Variants in EML2 observed in about 807,000 individuals in gnomAD.
EML2 encodes echinoderm microtubule-associated protein-like 2.
Under a neutral mutation model 84.7 loss-of-function variants are expected in EML2, and 59 were observed. That is an observed-to-expected ratio of 0.70 (90% CI 0.56 to 0.86). EML2 has a LOEUF of 0.86. EML2 is among the 40% of genes least tolerant of loss of function. The pLI, the probability that EML2 is intolerant of heterozygous loss-of-function variation, is 0.00. For missense variants in EML2, 818 were observed against 855.6 expected (o/e 0.96, Z 0.55); for synonymous variants, 352 against 348.9 (o/e 1.01, Z -0.10).
intron 9 of EML2, among the ~76,000 whole-genome samples, chr19:45,623,749 CT>C (rs1320789009): frequency 1.3e-5 from 2 of 152,054 alleles, no homozygotes; most frequent in Non-Finnish European, 2.9e-5. Context: ...TGGGGTTTTG[CT>C]ATGTTGGCCA....
chr19:45,638,370 C>T, intron 3 of EML2, 135 bp downstream of exon 3: 11 of 1,261,776 alleles, frequency 8.7e-6, no homozygotes, highest in Non-Finnish European at 1.2e-5. Context: ...TGTGTGTTGC[C>T]CAGGCAGGTC....
upstream of EML2, among the ~76,000 whole-genome samples, chr19:45,644,345 G>A (rs1356336596): frequency 1.3e-5 from 2 of 152,062 alleles, no homozygotes; most frequent in Non-Finnish European, 2.9e-5. Context: ...TACTCAACAG[G>A]AATGGCCACC....
intron 16 of EML2, 104 bp from the exon 17 acceptor site, chr19:45,614,804 A>G: frequency 2.1e-6 from 2 of 938,300 alleles, no homozygotes; most frequent in Non-Finnish European, 3.4e-6. Flanking sequence ...AGAGGAGGCT[A>G]AGGTCCCAGG....
chr19:45,639,044 G>T (rs772486382), intron 1 of EML2, 171 bp from the exon 2 acceptor site: 2 of 866,834 alleles, frequency 2.3e-6, no homozygotes, highest in South Asian at 1.3e-5. Flanking sequence ...GGTTGATCTT[G>T]CAGAGCCTAA....
Position 45,634,333 on chromosome 19 carries a change from A to C in EML2, c.318T>G (p.Asp106Glu), listed in dbSNP as rs1469883022. The change falls in exon 4 of 19, where the codon GAT becomes GAG. Residue 106 changes from aspartate to glutamate, a missense_variant. Coordinates refer to ENST00000245925, the MANE Select transcript of EML2 (RefSeq NM_012155.4). ...GTCCCACATCTCACCATTTGATGTCATCGTTGTGTCCCAGGTAGTGTCGCT... is the reference window on the plus strand; with the variant it reads ...GTCCCACATCTCACCATTTGATGTCCTCGTTGTGTCCCAGGTAGTGTCGCT... ...QRQRHYLGHN[D>E]DIKCLAIHPD... is the part of the protein sequence containing the mutation. 4 of 1,613,142 alleles carry C rather than the reference A, an allele frequency of 2.5e-6. No homozygotes were observed. Among genetic ancestry groups the C allele is most frequent in the Non-Finnish European group, 3.4e-6 (4 of 1,179,482 alleles).
At chr19:45,642,354 T>C (rs1281034579), upstream of EML2, 3 of 1,527,520 alleles carry the variant, frequency 2.0e-6, no homozygotes, top group Admixed American at 4.0e-5. Flanking sequence ...AATTGTCATC[T>C]GGAAGACGGG....
chr19:45,641,726 G>C (rs1188306170), upstream of EML2: 3 of 1,536,024 alleles, frequency 2.0e-6, no homozygotes, highest in Non-Finnish European at 2.6e-6. Context: ...AGGCGCTCTG[G>C]TGACAAGTAG....
At chr19:45,616,690 C>T (rs1321098149) in intron 14 of EML2, 75 bp downstream of exon 14, 2 of 1,464,036 alleles carry the variant, frequency 1.4e-6, no homozygotes, top group African/African-American at 2.8e-5. Flanking sequence ...GCAGGCTCCA[C>T]CCCTCCCCCT....
At chr19:45,619,765 A>G (rs1190847968) in intron 11 of EML2, among the ~76,000 whole-genome samples, 1 of 152,182 alleles carries the variant, frequency 6.6e-6, no homozygotes, top group Non-Finnish European at 1.5e-5. Context: ...TCATGGATGG[A>G]AAATGCTGGC....
At position 45,618,024 on chromosome 19, in the gene EML2, C is replaced by T. The variant is rs3786826; in HGVS notation, c.1255-327G>A. Among the ~76,000 whole-genome samples, 238 of 152,208 alleles carry T rather than the reference C, an allele frequency of 1.6e-3. 4 individuals are homozygous for T. The East Asian group carries it at 0.038, about 24-fold the overall frequency. ...GTGGGAATGCTGGGACAAAGGGCAT[C>T]TAGAATTTTAAGACTTTATTTTTGT... is the stretch of plus-strand genomic sequence containing the variant. On this transcript the variant is annotated intron_variant, in intron 12 of 18. Transcript: ENST00000245925.
Position 45,621,580 on chromosome 19 carries a change from A to G in EML2, c.899T>C (p.Leu300Pro). The G allele has an allele frequency of 6.2e-7, 1 of 1,612,256 alleles. No individual in the cohort carries two copies. Among genetic ancestry groups the G allele is most frequent in the South Asian group, 1.1e-5 (1 of 91,068 alleles). ...CAGCGTCCCGTCCCGCAGGGCGCAG[A>G]GCCCAAACACGCCGCCGTCGTGGGC... ...LGAHDGGVFG[L>P]CALRDGTLVS... Residue 300 changes from leucine to proline, a missense_variant, in exon 10 of 19, where the codon CTC becomes CCC. By Grantham distance (98) the Leu-to-Pro change is moderately conservative (BLOSUM62 -3). Coordinates refer to ENST00000245925, the MANE Select transcript of EML2 (RefSeq NM_012155.4).
chr19:45,634,355 C>T lies in EML2; in HGVS notation c.296G>A (p.Arg99Gln), dbSNP rs774518149. 3.7e-6 allele frequency: 6 copies of T among 1,613,896 alleles called. No homozygotes were observed. The highest frequency in any genetic ancestry group is 3.3e-5 in the Admixed American group (2 of 59,984). ...GTCATCGTTGTGTCCCAGGTAGTGT[C>T]GCTGCCTCTGCTCCTCCACGCTGTA... ...VLYSVEEQRQ[R>Q]HYLGHNDDIK... Residue 99 changes from arginine to glutamine, a missense_variant, in exon 4 of 19, where the codon CGA (arginine) becomes CAA (glutamine). Transcript: ENST00000245925.
rs1480005804 is a variant in EML2, at chr19:45,613,647, C to T, written c.1718G>A (p.Gly573Asp). Residue 573 changes from glycine (G) to aspartate (D), a missense_variant, in exon 18 of 19, where the codon GGC becomes GAC. Coordinates refer to ENST00000245925, the MANE Select transcript of EML2 (RefSeq NM_012155.4). ...GCGGGCCACAGCGTTGATATCAGTG[C>T]CGTCCGCCCCCTCAGACCAGATCCC... Reference protein sequence around the residue: ...VFGIWSEGADGTDINAVARSH... With the variant: ...VFGIWSEGADDTDINAVARSH... The T allele has an allele frequency of 6.2e-7, 1 of 1,613,850 alleles. No homozygotes were observed. Among genetic ancestry groups the T allele is most frequent in the African/African-American group, 1.3e-5 (1 of 74,872 alleles).
At position 45,621,193 on chromosome 19, in the gene EML2, G is replaced by A; in HGVS notation, c.1122+14C>T. ...GCTGGGAAGAGGGGAGGGGTGCAGAGGAGAGAGGCGCACCTGGACCAGCAG... is the reference window on the plus strand; with the variant it reads ...GCTGGGAAGAGGGGAGGGGTGCAGAAGAGAGAGGCGCACCTGGACCAGCAG... On this transcript the variant is annotated intron_variant, in intron 11 of 18. Coordinates refer to ENST00000245925, the MANE Select transcript of EML2 (RefSeq NM_012155.4). 6.2e-7 allele frequency: 1 copy of A among 1,612,820 alleles called. No homozygotes were observed.
chr19:45,626,508 G>A (rs73050355), intron 8 of EML2, among the ~76,000 whole-genome samples, 197 bp downstream of exon 8: 33,737 of 150,116 alleles, frequency 0.22, 3,872 homozygotes, highest in East Asian at 0.3. Flanking sequence ...CATGGTGCCC[G>A]GTCACCCTCT....
At chr19:45,635,571 A>G in intron 3 of EML2, among the ~76,000 whole-genome samples, 1 of 147,938 alleles carries the variant, frequency 6.8e-6, no homozygotes, top group African/African-American at 2.5e-5. Flanking sequence ...AAAAAAAATG[A>G]ATGTCTGTTT....
At chr19:45,625,505 G>A (rs1384686132) in intron 8 of EML2, among the ~76,000 whole-genome samples, 10 of 152,070 alleles carry the variant, frequency 6.6e-5, no homozygotes, top group Non-Finnish European at 1.5e-4. Context: ...GCCTCCCAAA[G>A]TGCTGGGATT....
At chr19:45,641,971 ACCCACGCGC>A, upstream of EML2, 2 of 1,441,792 alleles carry the variant, frequency 1.4e-6, no homozygotes, top group Non-Finnish European at 1.8e-6. Context: ...TGGCATAGCC[ACCCACGCGC>A]CGCGGGGGTC....
upstream of EML2, chr19:45,640,200 T>A (rs530763125): frequency 1.1e-3 from 161 of 152,320 alleles, 2 homozygotes; most frequent in African/African-American, 3.6e-3. Flanking sequence ...GCACCATAAC[T>A]CCAGCCTTAG....
Sources: gnomAD v4.1 joint callset for allele counts (sites outside exome capture counted in the v4.1 genomes callset) on GRCh38, gnomAD v4.1.1 for gene constraint, MANE v1.5 for transcripts, NCBI Gene and HGNC (gene_info 2026-07-23, HGNC 2026-07-21) for gene names.